PRKCQ: variants seen among roughly 807,000 people sequenced by gnomAD.
PRKCQ encodes the protein protein kinase C theta, also known as protein kinase C theta type.
A neutral mutation model predicts 91.2 loss-of-function variants in PRKCQ; 41 were observed. That is an observed-to-expected ratio of 0.45 (90% CI 0.35 to 0.58). The LOEUF is 0.58. PRKCQ is among the 20% of genes least tolerant of loss of function. The probability of loss-of-function intolerance (pLI) is 0.00; values close to 1 mark genes in which losing one functional copy is unlikely to be tolerated. For missense variants in PRKCQ, 673 were observed against 896.5 expected, an observed-to-expected ratio of 0.75 and a Z score of 3.18; for synonymous variants, 307 against 316.9, an observed-to-expected ratio of 0.97 and a Z score of 0.33.
intron 15 of PRKCQ, among the ~76,000 whole-genome samples, chr10:6,442,577 G>C (rs997441435): frequency 6.6e-6 from 1 of 152,146 alleles, no homozygotes; most frequent in Non-Finnish European, 1.5e-5. Context: ...TGCTATCTAT[G>C]GCTGTTCAGT....
At chr10:6,481,993 C>T (rs201378310) in intron 11 of PRKCQ, among the ~76,000 whole-genome samples, 1 of 144,844 alleles carries the variant, frequency 6.9e-6, no homozygotes, top group Admixed American at 7.0e-5. Flanking sequence ...CTTCTCACCT[C>T]CCCTTTTTTT....
intron 1 of PRKCQ, among the ~76,000 whole-genome samples, chr10:6,528,318 C>T (rs904256201): frequency 2.6e-5 from 4 of 152,096 alleles, no homozygotes; most frequent in African/African-American, 9.7e-5. Flanking sequence ...CCCATCTCCA[C>T]CCTCCTCTTC....
At chr10:6,542,848 C>A (rs1468946704) in intron 1 of PRKCQ, among the ~76,000 whole-genome samples, 1 of 152,168 alleles carries the variant, frequency 6.6e-6, no homozygotes, top group Non-Finnish European at 1.5e-5. Flanking sequence ...TAGGAATATG[C>A]CTGGGAAATA....
At chr10:6,563,643 G>T (rs755594780) in intron 1 of PRKCQ, among the ~76,000 whole-genome samples, 1 of 151,940 alleles carries the variant, frequency 6.6e-6, no homozygotes, top group Non-Finnish European at 1.5e-5. Flanking sequence ...ACTCTCCATG[G>T]GATCACACCG....
chr10:6,576,291 A>C lies in PRKCQ; in HGVS notation c.-10+3920T>G, dbSNP rs1292078549. Among the ~76,000 whole-genome samples, 1 of 152,226 alleles carries C rather than the reference A, an allele frequency of 6.6e-6. No homozygotes were observed. Among genetic ancestry groups the C allele is most frequent in the Non-Finnish European group, 1.5e-5 (1 of 68,040 alleles). ...CGGCAGCATTATTCACAATAATCAAAAGATAGAAGCAACCATCAACAGATA... is the reference window on the plus strand; with the variant it reads ...CGGCAGCATTATTCACAATAATCAACAGATAGAAGCAACCATCAACAGATA... On this transcript the variant is annotated intron_variant, in intron 1 of 17. Coordinates refer to ENST00000263125, the MANE Select transcript of PRKCQ (RefSeq NM_006257.5). This position sits in a 1 kb window ranked among gnomAD's most constrained non-coding sequence, Gnocchi z 4.2.
chr10:6,562,516 A>G (rs1186461713), intron 1 of PRKCQ, among the ~76,000 whole-genome samples: 3 of 152,184 alleles, frequency 2.0e-5, no homozygotes, highest in Admixed American at 6.5e-5. Flanking sequence ...CATTACTAAC[A>G]TAAGTAATAC....
At position 6,470,412 on chromosome 10, in the gene PRKCQ, G is replaced by A. The variant is rs568471714; in HGVS notation, c.1354-6008C>T. Among the ~76,000 whole-genome samples the A allele has an allele frequency of 3.9e-4, 59 of 152,274 alleles. No individual in the cohort carries two copies. The South Asian group carries it at 7.7e-3, about 20-fold the overall frequency. On this transcript the variant is annotated intron_variant, in intron 12 of 17. Coordinates refer to ENST00000263125, the MANE Select transcript of PRKCQ (RefSeq NM_006257.5). Reference sequence around the variant, plus strand: ...CAGTTTCCCCTGAAGAGTCCCATGCGTGTCACCTCCTCAGGATGGGAACTG... The same window carrying A: ...CAGTTTCCCCTGAAGAGTCCCATGCATGTCACCTCCTCAGGATGGGAACTG...
At chr10:6,566,821 C>T (rs1840853309) in intron 1 of PRKCQ, among the ~76,000 whole-genome samples, 1 of 152,056 alleles carries the variant, frequency 6.6e-6, no homozygotes, top group African/African-American at 2.4e-5. Flanking sequence ...AGGGAGCTGG[C>T]CCGGAACACT....
chr10:6,432,122 T>C (rs952283177), intron 16 of PRKCQ, among the ~76,000 whole-genome samples: 6 of 152,204 alleles, frequency 3.9e-5, no homozygotes, highest in African/African-American at 4.8e-5. Flanking sequence ...TTATAGGGCA[T>C]TTTAAGGAGC....
chr10:6,496,310 T>C (rs1837596534), intron 7 of PRKCQ, among the ~76,000 whole-genome samples: 1 of 151,940 alleles, frequency 6.6e-6, no homozygotes, highest in Admixed American at 6.6e-5. Flanking sequence ...AAATTCATAA[T>C]GATACACTGC....
the PRKCQ span, among the ~76,000 whole-genome samples, chr10:6,414,555 C>T: frequency 2.0e-5 from 3 of 152,116 alleles, no homozygotes; most frequent in South Asian, 4.1e-4. Context: ...ATTATAACTG[C>T]ATTCCATACA....
At chr10:6,441,685 C>T (rs1040134702) in intron 16 of PRKCQ, among the ~76,000 whole-genome samples, 2 of 152,282 alleles carry the variant, frequency 1.3e-5, no homozygotes, top group African/African-American at 2.4e-5. Context: ...AACTGATGCA[C>T]ATGAGGGTTT....
rs1326900995 is a variant in PRKCQ at position 6,430,684 on chromosome 10, G to C, written c.1965+126C>G. The C allele has an allele frequency of 2.2e-6, 3 of 1,369,180 alleles. No homozygotes were observed. The highest frequency in any genetic ancestry group is 1.5e-5 in the African/African-American group (1 of 68,900). The allele number at this position is 1,369,180 out of a possible 1,614,324, so 84.8% of individuals were successfully genotyped here. A position where few individuals can be genotyped will look rare whatever the true frequency, so the allele number is the denominator to read the frequency against. ...GTGTTAGAGACGTGCATTCCTCCTG[G>C]AGAGTGGGGCTGGTGGGGAGTTGGG... On this transcript the variant is annotated intron_variant, in intron 17 of 17. Transcript: ENST00000263125. The surrounding 1 kb of genome is among the most constrained non-coding windows in gnomAD (Gnocchi z 4.7).
chr10:6,429,976 T>A (rs1224177875), intron 17 of PRKCQ, among the ~76,000 whole-genome samples: 2 of 150,646 alleles, frequency 1.3e-5, no homozygotes, highest in Non-Finnish European at 3.0e-5. Context: ...CACCTCAGCC[T>A]CCCGAGTAGC....
In PRKCQ at chr10:6,438,609, C is replaced by T. The variant is rs186254121; in HGVS notation, c.1836+3284G>A. 2.7e-3 allele frequency among the ~76,000 whole-genome samples: 403 copies of T among 150,106 alleles called. 2 individuals carry two copies. Among genetic ancestry groups the T allele is most frequent in the African/African-American group, 9.3e-3 (379 of 40,904 alleles). On this transcript the variant is annotated intron_variant, in intron 16 of 17. Transcript: ENST00000263125. ...GATGTGCTAGACTCTTTTTTTTTTG[C>T]GGGGGGGACAGGGTCTTGCTCTGTC...
intron 3 of PRKCQ, 136 bp from the exon 4 acceptor site, chr10:6,507,632 C>T (rs1838263129): frequency 2.6e-6 from 2 of 762,108 alleles, no homozygotes; most frequent in Non-Finnish European, 2.3e-6. Context: ...TGTACTCAAA[C>T]TCATTGTCAT....
At chr10:6,547,250 C>T (rs987420676) in intron 1 of PRKCQ, among the ~76,000 whole-genome samples, 3 of 151,916 alleles carry the variant, frequency 2.0e-5, no homozygotes, top group East Asian at 1.9e-4. Flanking sequence ...AACAAATGGA[C>T]GAACATTCCA....
the PRKCQ span, among the ~76,000 whole-genome samples, chr10:6,411,488 A>C: frequency 1.3e-5 from 2 of 152,226 alleles, no homozygotes; most frequent in Non-Finnish European, 2.9e-5. Flanking sequence ...GTGATTGAAA[A>C]AAGGGATCAT....
At chr10:6,404,274 G>GAGAA in the PRKCQ span, among the ~76,000 whole-genome samples, 2 of 148,196 alleles carry the variant, frequency 1.3e-5, no homozygotes, top group South Asian at 4.3e-4. Context: ...GAGAGAGAGA[G>GAGAA]AGAGAGAGAG....
Sources: gnomAD v4.1 joint callset for allele counts (sites outside exome capture counted in the v4.1 genomes callset) on GRCh38, gnomAD v4.1.1 for gene constraint, Gnocchi (gnomAD v3.1) non-coding constraint, MANE v1.5 for transcripts, NCBI Gene and HGNC (gene_info 2026-07-23, HGNC 2026-07-21) for gene names.